Variants in UBE3B observed in about 807,000 individuals in gnomAD.
UBE3B encodes the protein ubiquitin-protein ligase E3B.
Under a neutral mutation model 132.3 loss-of-function variants are expected in UBE3B, and 80 were observed. The observed-to-expected ratio is 0.60, with a 90% CI of 0.50 to 0.73. The LOEUF is 0.73. Among genes scored for constraint, UBE3B ranks in the 30% least tolerant of loss-of-function variants. The pLI, the probability that UBE3B is intolerant of heterozygous loss-of-function variation, is 0.00. For missense variants in UBE3B, 1,196 were observed against 1,362.5 expected (o/e 0.88, Z 1.92); for synonymous variants, 487 against 520.4 (o/e 0.94, Z 0.87).
chr12:109,498,161 G>C, intron 10 of UBE3B, 72 bp from the exon 11 acceptor site: 2 of 1,583,806 alleles, frequency 1.3e-6, no homozygotes, highest in Non-Finnish European at 1.7e-6. Context: ...TGATCTGCAA[G>C]TGATCAAGTT....
Position 109,535,456 on chromosome 12 carries a change from G to A in UBE3B, c.*674G>A, listed in dbSNP as rs1883348654. Reference sequence around the variant, plus strand: ...ATTTTCTGCGTCCTCAGCGGGCTGAGCTGCCAGAGAGTCTTCCCGGACCTA... The same window carrying A: ...ATTTTCTGCGTCCTCAGCGGGCTGAACTGCCAGAGAGTCTTCCCGGACCTA... On this transcript the variant is annotated 3_prime_UTR_variant, in exon 28 of 28. Transcript: ENST00000342494. 1.3e-5 allele frequency: 2 copies of A among 152,386 alleles called. No homozygotes were observed. Among genetic ancestry groups the A allele is most frequent in the African/African-American group, 2.4e-5 (1 of 41,466 alleles). The allele number at this position is 152,386 out of a possible 1,614,324, so 9.4% of individuals were successfully genotyped here. A position where few individuals can be genotyped will look rare whatever the true frequency, so the allele number is the denominator to read the frequency against.
chr12:109,524,780 A>G (rs940475161), intron 23 of UBE3B, among the ~76,000 whole-genome samples: 22 of 151,774 alleles, frequency 1.4e-4, no homozygotes, highest in African/African-American at 9.7e-5. Flanking sequence ...GCTTTTCGTT[A>G]CCATGGTGAG....
intron 4 of UBE3B, among the ~76,000 whole-genome samples, chr12:109,485,722 A>T (rs1403092809): frequency 1.3e-5 from 2 of 152,208 alleles, no homozygotes; most frequent in African/African-American, 4.8e-5. Context: ...AGTTTGCCAG[A>T]TTGATACTGT....
chr12:109,531,181 A>G (rs1415252979), intron 26 of UBE3B, among the ~76,000 whole-genome samples: 4 of 152,116 alleles, frequency 2.6e-5, no homozygotes, highest in African/African-American at 7.2e-5. Context: ...AAACACACAC[A>G]ATTGCTTAGG....
chr12:109,481,083 C>A (rs1456977057), intron 1 of UBE3B, among the ~76,000 whole-genome samples: 2 of 147,622 alleles, frequency 1.4e-5, no homozygotes, highest in African/African-American at 5.0e-5. Flanking sequence ...CCAGCCTGGG[C>A]GACAGAGCAA....
chr12:109,528,392 CG>C (rs569089545), intron 24 of UBE3B: 4 of 985,102 alleles, frequency 4.1e-6, no homozygotes, highest in Non-Finnish European at 4.8e-6. Flanking sequence ...ATAGGAAAAT[CG>C]TATTTGTATG....
At chr12:109,483,791 T>G in intron 3 of UBE3B, 70 bp from the exon 4 acceptor site, 4 of 1,589,510 alleles carry the variant, frequency 2.5e-6, no homozygotes, top group Non-Finnish European at 3.4e-6. Flanking sequence ...TCTCATAAAG[T>G]GCTTGAAAAG....
At position 109,521,890 on chromosome 12, in the gene UBE3B, C is replaced by T. The variant is rs1881762953; in HGVS notation, c.2364+339C>T. Among the ~76,000 whole-genome samples, 1 of 152,194 alleles carries T rather than the reference C, an allele frequency of 6.6e-6. No homozygotes were observed. The highest frequency in any genetic ancestry group is 1.5e-5 in the Non-Finnish European group (1 of 68,038). The stretch of plus-strand genomic sequence containing the variant: ...CCCAGGCCGGCCCAAGTCCTAAGGC[C>T]AGCCCTCTTCTTTCCTGAGGCATGA... On this transcript the variant is annotated intron_variant, in intron 21 of 27. Coordinates refer to ENST00000342494, the MANE Select transcript of UBE3B (RefSeq NM_130466.4). This position sits in a 1 kb window ranked among gnomAD's most constrained non-coding sequence, Gnocchi z 4.2.
Position 109,521,552 on chromosome 12 carries a change from G to C in UBE3B, c.2364+1G>C. The C allele has an allele frequency of 1.9e-6, 3 of 1,561,182 alleles. No homozygotes were observed. Among genetic ancestry groups the C allele is most frequent in the Non-Finnish European group, 2.6e-6 (3 of 1,154,764 alleles). On this transcript the variant is annotated splice_donor_variant, in intron 21 of 27. Transcript: ENST00000342494. LOFTEE classifies it high-confidence loss of function. This position sits in a 1 kb window ranked among gnomAD's most constrained non-coding sequence, Gnocchi z 4.2. ...GATGCTGGGGAAGGCTGTGTATGAG[G>C]TAGGAACGTTAAGAAACAGAGAAAT...
At chr12:109,542,758 C>T in the UBE3B span, among the ~76,000 whole-genome samples, 1 of 152,230 alleles carries the variant, frequency 6.6e-6, no homozygotes, top group Non-Finnish European at 1.5e-5. Flanking sequence ...AACAGATTCT[C>T]CTTCACAGCC....
At chr12:109,490,563 G>A (rs1317144361) in intron 8 of UBE3B, 3 of 1,535,970 alleles carry the variant, frequency 2.0e-6, no homozygotes, top group Admixed American at 3.9e-5. Flanking sequence ...TCCGTTGGCA[G>A]AAGCTGGTAT....
chr12:109,516,420 G>T (rs530855275), intron 18 of UBE3B, among the ~76,000 whole-genome samples: 7 of 151,952 alleles, frequency 4.6e-5, no homozygotes, highest in African/African-American at 1.7e-4. Context: ...CAGGTAATCC[G>T]CCCACCTGGG....
chr12:109,541,544 G>A (rs1349380316), downstream of UBE3B, among the ~76,000 whole-genome samples: 1 of 152,256 alleles, frequency 6.6e-6, no homozygotes, highest in Non-Finnish European at 1.5e-5. Flanking sequence ...TGGCCTTGGG[G>A]CCAGGCAGGG....
chr12:109,545,736 T>G, the UBE3B span, among the ~76,000 whole-genome samples: 11 of 152,298 alleles, frequency 7.2e-5, no homozygotes, highest in South Asian at 2.3e-3. Context: ...CTCCACTGCT[T>G]GTCCCACTTA....
At chr12:109,487,187 C>T (rs1876646184) in intron 6 of UBE3B, among the ~76,000 whole-genome samples, 1 of 152,164 alleles carries the variant, frequency 6.6e-6, no homozygotes, top group African/African-American at 2.4e-5. Context: ...TCCAGTGAAT[C>T]CTGGGTTCAT....
chr12:109,542,588 A>G, the UBE3B span, among the ~76,000 whole-genome samples: 12 of 152,304 alleles, frequency 7.9e-5, no homozygotes, highest in African/African-American at 2.6e-4. Context: ...ATGAGGTCAT[A>G]TAGGAGTAGG....
intron 19 of UBE3B, among the ~76,000 whole-genome samples, chr12:109,517,252 A>T (rs1881180211): frequency 6.6e-6 from 1 of 152,182 alleles, no homozygotes; most frequent in Admixed American, 6.5e-5. Context: ...CACTTTGCTG[A>T]GACTCTCAAC....
intron 19 of UBE3B, chr12:109,519,809 C>T (rs1176655752): frequency 6.6e-6 from 1 of 152,222 alleles, no homozygotes; most frequent in Admixed American, 6.5e-5. Flanking sequence ...CAAAACTGTG[C>T]TCCTGTTCCC....
intron 19 of UBE3B, chr12:109,520,894 T>C (rs763962038): frequency 2.2e-5 from 8 of 366,094 alleles, no homozygotes; most frequent in Non-Finnish European, 3.5e-5. Context: ...AACTTCCCCA[T>C]CTCACTGCTC....
Sources: allele counts gnomAD v4.1 joint callset (sites outside exome capture counted in the v4.1 genomes callset), GRCh38; gene constraint gnomAD v4.1.1; non-coding constraint Gnocchi (gnomAD v3.1); transcripts MANE v1.5; gene names NCBI Gene and HGNC (gene_info 2026-07-23, HGNC 2026-07-21).